Variants in GALM observed in about 807,000 individuals in gnomAD.
The protein encoded by GALM is aldose 1-epimerase.
Under a neutral mutation model 37.4 loss-of-function variants are expected in GALM, and 43 were observed. The observed-to-expected ratio is 1.15, with a 90% confidence interval of 0.90 to 1.48. The LOEUF is 1.48. GALM is among the 40% of genes most tolerant of loss of function. The pLI, the probability that GALM is intolerant of heterozygous loss-of-function variation, is 0.00. For missense variants in GALM, 456 were observed against 419.1 expected (o/e 1.09, Z -0.77); for synonymous variants, 199 against 170.6 (o/e 1.17, Z -1.30).
intron 4 of GALM, among the ~76,000 whole-genome samples, chr2:38,703,074 ATATATATATATATATATATTTTTTTT>A (rs1558588664): frequency 1.2e-3 from 6 of 4,858 alleles, no homozygotes; most frequent in African/African-American, 3.1e-3. Flanking sequence ...ATATATATAT[ATATATATATATATATATATTTTTTTT>A]TTTTTTTTTT....
intron 4 of GALM, among the ~76,000 whole-genome samples, chr2:38,715,515 T>G (rs996825329): frequency 4.6e-5 from 7 of 152,136 alleles, no homozygotes; most frequent in African/African-American, 1.7e-4. Context: ...ACAGCTCACT[T>G]TAGCTTCATC....
intron 4 of GALM, among the ~76,000 whole-genome samples, chr2:38,690,714 T>A (rs1220739410): frequency 6.6e-6 from 1 of 152,186 alleles, no homozygotes; most frequent in Non-Finnish European, 1.5e-5. Flanking sequence ...ATTACAGGTG[T>A]AAGCCACTGC....
intron 3 of GALM, among the ~76,000 whole-genome samples, chr2:38,686,112 C>G (rs1383275682): frequency 6.6e-6 from 1 of 151,634 alleles, no homozygotes; most frequent in Admixed American, 6.6e-5. Flanking sequence ...TTTCCTTCTC[C>G]TCCTAGGCTT....
At chr2:38,693,165 C>T (rs951772590) in intron 4 of GALM, among the ~76,000 whole-genome samples, 1 of 152,216 alleles carries the variant, frequency 6.6e-6, no homozygotes, top group Non-Finnish European at 1.5e-5. Context: ...CACAAGGCCA[C>T]TTTCCTGAGA....
At chr2:38,705,288 G>C (rs1029383735) in intron 4 of GALM, among the ~76,000 whole-genome samples, 1 of 152,120 alleles carries the variant, frequency 6.6e-6, no homozygotes, top group Admixed American at 6.6e-5. Flanking sequence ...CTTGGGCAAC[G>C]GACCTGATGT....
intron 4 of GALM, among the ~76,000 whole-genome samples, chr2:38,702,187 G>GA (rs543652340): frequency 0.043 from 6,286 of 145,616 alleles, 414 homozygotes; most frequent in African/African-American, 0.14. Flanking sequence ...CACCTAACTG[G>GA]AAAAAAAAAA....
In GALM at chr2:38,729,587, C is replaced by A. The variant is rs757065320; in HGVS notation, c.666C>A (p.Phe222Leu). Residue 222 changes from phenylalanine to leucine, a missense_variant, in exon 5 of 7, where the codon TTC becomes TTA. Transcript: ENST00000272252. ...GEVAPVQGTAFDLRKPVELGK... is the reference protein window; with the variant it reads ...GEVAPVQGTALDLRKPVELGK... ...TTGCCCCAGTGCAAGGCACTGCATT[C>A]GACCTGAGAAAGCCAGTGGAGCTTG... 4 of 1,613,384 alleles carry A rather than the reference C, an allele frequency of 2.5e-6. No homozygotes were observed. Among genetic ancestry groups the A allele is most frequent in the Non-Finnish European group, 3.4e-6 (4 of 1,179,618 alleles).
chr2:38,725,625 G>A (rs1317440040), intron 4 of GALM, among the ~76,000 whole-genome samples: 1 of 152,162 alleles, frequency 6.6e-6, no homozygotes, highest in Non-Finnish European at 1.5e-5. Context: ...TGAGGCAGGA[G>A]GATCACTTGA....
At chr2:38,714,346 C>G (rs1315421480) in intron 4 of GALM, among the ~76,000 whole-genome samples, 2 of 152,012 alleles carry the variant, frequency 1.3e-5, no homozygotes, top group Admixed American at 6.6e-5. Context: ...TCCCGATTAG[C>G]TGGGACTACA....
At chr2:38,675,539 TTTTTTGTGTGTGTGTGTGTGTGTGTGTG>T (rs1665233075) in intron 1 of GALM, among the ~76,000 whole-genome samples, 34 of 83,424 alleles carry the variant, frequency 4.1e-4, no homozygotes, top group Middle Eastern at 5.4e-3. Flanking sequence ...TTTTTTTTTT[TTTTTTGTGTGTGTGTGTGTGTGTGTGTG>T]TGTGTGTGTG....
intron 4 of GALM, among the ~76,000 whole-genome samples, chr2:38,711,034 G>A (rs531305072): frequency 3.3e-5 from 5 of 152,152 alleles, no homozygotes; most frequent in African/African-American, 9.6e-5. Context: ...GATTACAGGC[G>A]TAAGCTACTG....
rs367911059 is a variant in GALM, at chr2:38,675,916, C to T, written c.195C>T (p.Tyr65=). The T allele has an allele frequency of 1.2e-6, 2 of 1,613,914 alleles. No individual in the cohort carries two copies. Among genetic ancestry groups the T allele is most frequent in the Non-Finnish European group, 1.7e-6 (2 of 1,179,956 alleles). ...TGTCATCCCTTGTCCTTGCAGGATA[C>T]CTCCAAAAGCAGCCATACTTTGGAG... is the stretch of plus-strand genomic sequence containing the variant. The part of the protein sequence containing the change: ...VVLGFAELEG[Y]LQKQPYFGAV... The change falls in exon 2 of 7, where the codon TAC becomes TAT. Residue 65 remains tyrosine, a synonymous_variant. Transcript: ENST00000272252.
In GALM at chr2:38,681,562, A is replaced by G. The variant is rs1000619834; in HGVS notation, c.552+76A>G. ...GGGCTGTGGCTAGAGAGATCAGAGT[A>G]GTGTGGAATTGCTGTGGCAGTGAGG... On this transcript the variant is annotated intron_variant, in intron 3 of 6. Transcript: ENST00000272252. The G allele has an allele frequency of 4.4e-5, 56 of 1,266,604 alleles. 2 individuals are homozygous for G. Among genetic ancestry groups the G allele is most frequent in the African/African-American group, 3.8e-4 (26 of 68,146 alleles). 78.5% of individuals were successfully genotyped at this position (1,266,604 alleles called of 1,614,324 possible).
rs747997001 is a variant in GALM, at chr2:38,689,888, C to G, written c.628C>G (p.Pro210Ala). 1 of 1,598,604 alleles carries G rather than the reference C, an allele frequency of 6.3e-7. No homozygotes were observed. Among genetic ancestry groups the G allele is most frequent in the Non-Finnish European group, 8.6e-7 (1 of 1,167,070 alleles). Reference sequence around the variant, plus strand: ...TTTGCCTGTGGATGAAACCCTGATTCCTACAGGTTGGTGAATTTAACCTTT... The same window carrying G: ...TTTGCCTGTGGATGAAACCCTGATTGCTACAGGTTGGTGAATTTAACCTTT... ...TYLPVDETLI[P>A]TGEVAPVQGT... Residue 210 changes from proline (P) to alanine (A), a missense_variant, in exon 4 of 7, where the codon CCT (proline) becomes GCT (alanine). Physicochemically the swap from Pro to Ala is conservative, Grantham distance 27 (BLOSUM62 -1). Transcript: ENST00000272252.
At chr2:38,696,195 C>T (rs923898224) in intron 4 of GALM, among the ~76,000 whole-genome samples, 3 of 152,002 alleles carry the variant, frequency 2.0e-5, no homozygotes, top group Non-Finnish European at 4.4e-5. Flanking sequence ...TCTCAGCTCA[C>T]TGCAACCTCC....
intron 4 of GALM, among the ~76,000 whole-genome samples, chr2:38,720,254 C>T (rs879427315): frequency 6.6e-6 from 1 of 151,742 alleles, no homozygotes; most frequent in Non-Finnish European, 1.5e-5. Flanking sequence ...CTGTCTCTTC[C>T]ACCAGATTCT....
intron 3 of GALM, chr2:38,682,177 G>A (rs1339543934): frequency 2.5e-6 from 1 of 401,250 alleles, no homozygotes; most frequent in African/African-American, 2.0e-5. Flanking sequence ...CATAAGAGTG[G>A]TGTAGAGCTG....
intron 4 of GALM, among the ~76,000 whole-genome samples, chr2:38,694,173 C>G (rs1229432288): frequency 6.6e-6 from 1 of 151,424 alleles, no homozygotes; most frequent in Non-Finnish European, 1.5e-5. Context: ...AGAGCAAGAC[C>G]CTGTCTCAAA....
intron 1 of GALM, among the ~76,000 whole-genome samples, chr2:38,671,138 T>C (rs1665089153): frequency 6.6e-6 from 1 of 152,230 alleles, no homozygotes; most frequent in South Asian, 2.1e-4. Context: ...TAAATCAATA[T>C]TCATGGCTTG....
Sources: allele counts gnomAD v4.1 joint callset (sites outside exome capture counted in the v4.1 genomes callset), GRCh38; gene constraint gnomAD v4.1.1; transcripts MANE v1.5; gene names NCBI Gene and HGNC (gene_info 2026-07-23, HGNC 2026-07-21).